Variants in MCF2L2 observed in about 807,000 individuals in gnomAD.
MCF2L2 encodes the protein MCF.2 cell line derived transforming sequence-like 2.
Under a neutral mutation model 150.2 loss-of-function variants are expected in MCF2L2, and 102 were observed. The ratio of observed to expected loss-of-function variants is 0.68; its 90% CI spans 0.58 to 0.80. The LOEUF (loss-of-function observed/expected upper bound fraction) is 0.80, where lower values mean the gene tolerates loss of function less well. MCF2L2 is among the 30% of genes least tolerant of loss of function. MCF2L2 has a pLI of 0.00. For missense variants in MCF2L2, 1,256 were observed against 1,372.8 expected, an observed-to-expected ratio of 0.91 and a Z score of 1.34; for synonymous variants, 465 against 491.3, an observed-to-expected ratio of 0.95 and a Z score of 0.71.
intron 3 of MCF2L2, among the ~76,000 whole-genome samples, chr3:183,343,197 T>A (rs920058725): frequency 6.6e-6 from 1 of 152,124 alleles, no homozygotes; most frequent in African/African-American, 2.4e-5. Context: ...TCCTTAAATA[T>A]GAGAGAACTC....
chr3:183,183,156 C>T (rs913383688), intron 27 of MCF2L2, among the ~76,000 whole-genome samples: 1 of 152,154 alleles, frequency 6.6e-6, no homozygotes, highest in African/African-American at 2.4e-5. Flanking sequence ...CCACCACACC[C>T]AGCTAATTTT....
intron 1 of MCF2L2, among the ~76,000 whole-genome samples, chr3:183,417,115 CAAAAAAAAAAAA>C (rs74989072): frequency 4.5e-4 from 20 of 44,244 alleles, no homozygotes; most frequent in South Asian, 1.1e-3. Context: ...GACTCTGTCT[CAAAAAAAAAAAA>C]AAAAAAAAAA....
intron 2 of MCF2L2, among the ~76,000 whole-genome samples, chr3:183,384,770 T>C (rs566657867): frequency 6.6e-6 from 1 of 152,336 alleles, no homozygotes; most frequent in South Asian, 2.1e-4. Flanking sequence ...CCCCTGGTTC[T>C]GTCTGGGCAG....
intron 3 of MCF2L2, among the ~76,000 whole-genome samples, chr3:183,346,250 G>A (rs979840455): frequency 6.6e-6 from 1 of 151,286 alleles, no homozygotes; most frequent in Non-Finnish European, 1.5e-5. Context: ...TCCCTGGGAT[G>A]CACTCAACAT....
At chr3:183,411,854 G>T (rs963125428) in intron 1 of MCF2L2, among the ~76,000 whole-genome samples, 1 of 152,130 alleles carries the variant, frequency 6.6e-6, no homozygotes, top group Admixed American at 6.5e-5. Context: ...TTGACATCTG[G>T]CTAAGCACAG....
intron 15 of MCF2L2, chr3:183,265,844 G>T (rs1417436909): frequency 1.3e-5 from 2 of 152,048 alleles, no homozygotes; most frequent in Non-Finnish European, 2.9e-5. Flanking sequence ...TATGTAAATG[G>T]TGGCTAAAAA....
chr3:183,389,606 G>T, intron 2 of MCF2L2, 90 bp downstream of exon 2: 1 of 1,111,580 alleles, frequency 9.0e-7, no homozygotes, highest in Non-Finnish European at 1.4e-6. Context: ...TGAGATTTGA[G>T]TATAACATTC....
intron 3 of MCF2L2, among the ~76,000 whole-genome samples, chr3:183,350,903 C>CA (rs553499577): frequency 0.011 from 1,170 of 105,824 alleles, 8 homozygotes; most frequent in Non-Finnish European, 0.013. Context: ...GACTCCGTCT[C>CA]AAAAAAAAAA....
chr3:183,253,005 T>C (rs759090010), intron 15 of MCF2L2, among the ~76,000 whole-genome samples: 1 of 152,206 alleles, frequency 6.6e-6, no homozygotes, highest in Non-Finnish European at 1.5e-5. Context: ...AGGACATTCA[T>C]GTGCACTCTG....
intron 25 of MCF2L2, 52 bp from the exon 26 acceptor site, chr3:183,195,307 AT>A: frequency 7.9e-7 from 1 of 1,261,520 alleles, no homozygotes; most frequent in Non-Finnish European, 1.1e-6. Flanking sequence ...GCTAATTTGA[AT>A]TGATTTTACA....
intron 15 of MCF2L2, among the ~76,000 whole-genome samples, chr3:183,256,425 G>A (rs530743106): frequency 6.6e-6 from 1 of 151,322 alleles, no homozygotes; most frequent in East Asian, 1.9e-4. Context: ...TAAGAAACTT[G>A]ATCAGGTGAG....
chr3:183,335,767 G>T (rs1730453419), intron 5 of MCF2L2, among the ~76,000 whole-genome samples: 1 of 152,116 alleles, frequency 6.6e-6, no homozygotes, highest in Non-Finnish European at 1.5e-5. Flanking sequence ...ACCTGGCCAG[G>T]ATGATCGCTC....
chr3:183,197,468 A>C lies in MCF2L2; in HGVS notation c.2885-2213T>G, dbSNP rs1436756002. 1.3e-5 allele frequency among the ~76,000 whole-genome samples: 2 copies of C among 152,184 alleles called. No homozygotes were observed. Among genetic ancestry groups the C allele is most frequent in the Non-Finnish European group, 2.9e-5 (2 of 68,024 alleles). ...AAAACAGAAACAAACAAACAAACAAACAAATACTCAAAATGGATCAGAGAC... is the reference window on the plus strand; with the variant it reads ...AAAACAGAAACAAACAAACAAACAACCAAATACTCAAAATGGATCAGAGAC... On this transcript the variant is annotated intron_variant, in intron 25 of 29. Transcript: ENST00000328913. The surrounding 1 kb of genome is among the most constrained non-coding windows in gnomAD (Gnocchi z 4.5).
At chr3:183,255,838 C>T (rs192344331) in intron 15 of MCF2L2, among the ~76,000 whole-genome samples, 8 of 150,924 alleles carry the variant, frequency 5.3e-5, no homozygotes, top group African/African-American at 1.5e-4. Flanking sequence ...AGAAAACTTT[C>T]TAATTCTCAA....
chr3:183,337,987 G>A (rs1056311048), intron 5 of MCF2L2, among the ~76,000 whole-genome samples: 1 of 152,130 alleles, frequency 6.6e-6, no homozygotes, highest in African/African-American at 2.4e-5. Context: ...TCTCTTCTGA[G>A]AATCACAATG....
chr3:183,400,123 G>T (rs1369931607), intron 1 of MCF2L2, among the ~76,000 whole-genome samples: 2 of 152,054 alleles, frequency 1.3e-5, no homozygotes, highest in African/African-American at 2.4e-5. Context: ...TTTTTATTAT[G>T]AATCTACCTA....
chr3:183,232,446 A>C (rs531164928), intron 15 of MCF2L2, among the ~76,000 whole-genome samples: 2 of 152,186 alleles, frequency 1.3e-5, no homozygotes, highest in Non-Finnish European at 2.9e-5. Context: ...CAGTCCCCAC[A>C]TCTATCCCAG....
intron 2 of MCF2L2, among the ~76,000 whole-genome samples, chr3:183,384,713 T>G (rs1261890811): frequency 1.3e-5 from 2 of 152,166 alleles, no homozygotes; most frequent in African/African-American, 4.8e-5. Context: ...ACCTCCAGTA[T>G]CCCACACAAC....
intron 1 of MCF2L2, among the ~76,000 whole-genome samples, chr3:183,402,743 C>T (rs1403956717): frequency 6.6e-6 from 1 of 151,454 alleles, no homozygotes; most frequent in African/African-American, 2.4e-5. Context: ...TGAAACAAGA[C>T]CAAGAAATAG....
Sources: allele counts gnomAD v4.1 joint callset (sites outside exome capture counted in the v4.1 genomes callset), GRCh38; gene constraint gnomAD v4.1.1; non-coding constraint Gnocchi (gnomAD v3.1); transcripts MANE v1.5; gene names NCBI Gene and HGNC (gene_info 2026-07-23, HGNC 2026-07-21).